MFNG: variants seen among roughly 807,000 people sequenced by gnomAD.
MFNG encodes the protein beta-1,3-N-acetylglucosaminyltransferase manic fringe.
In MFNG, 24 loss-of-function variants were observed where a neutral mutation model predicts 34.2. That is an observed-to-expected ratio of 0.70 (90% CI 0.51 to 0.99). The LOEUF (loss-of-function observed/expected upper bound fraction) is 0.99, where lower values mean the gene tolerates loss of function less well. MFNG is among the 50% of genes least tolerant of loss of function. MFNG has a pLI of 0.00. For synonymous variants in MFNG, 158 were observed against 179.2 expected, an observed-to-expected ratio of 0.88 and a Z score of 0.94; for missense variants, 383 against 424.0, an observed-to-expected ratio of 0.90 and a Z score of 0.85.
intron 4 of MFNG, among the ~76,000 whole-genome samples, chr22:37,478,053 G>A (rs1430205896): frequency 1.3e-5 from 2 of 152,334 alleles, no homozygotes; most frequent in East Asian, 1.9e-4. Context: ...GTGAAGTGGT[G>A]TGAGAGCCTG....
rs8192545 is a variant in MFNG at position 37,486,090 on chromosome 22, G to C, written c.88C>G (p.Leu30Val). The change falls in exon 1 of 8, where the codon CTG (leucine) becomes GTG (valine). Residue 30 changes from leucine to valine, a missense_variant. Coordinates refer to ENST00000356998, the MANE Select transcript of MFNG (RefSeq NM_002405.4). ...GLLCLRYHLN[L>V]SPQRVQGTPE... ...GTCCCTTGTACCCGCTGCGGGGACA[G>C]GTTCAAGTGGTACCGCAGACACAGG... 398 of 1,613,296 alleles carry C rather than the reference G, an allele frequency of 2.5e-4. 2 individuals are homozygous for C. The highest frequency in any genetic ancestry group is 1.6e-4 in the Middle Eastern group (1 of 6,080).
At chr22:37,484,084 G>T (rs1478591163) in intron 1 of MFNG, among the ~76,000 whole-genome samples, 1 of 152,194 alleles carries the variant, frequency 6.6e-6, no homozygotes, top group East Asian at 1.9e-4. Context: ...CAGAGGAGGG[G>T]AGTGGTGGGG....
At chr22:37,478,560 C>T (rs1922140911) in intron 4 of MFNG, among the ~76,000 whole-genome samples, 1 of 152,148 alleles carries the variant, frequency 6.6e-6, no homozygotes, top group Non-Finnish European at 1.5e-5. Context: ...GTCGACTCTT[C>T]AGTCACAGGC....
intron 5 of MFNG, among the ~76,000 whole-genome samples, chr22:37,475,783 C>T (rs1922010212): frequency 6.6e-6 from 1 of 152,178 alleles, no homozygotes; most frequent in African/African-American, 2.4e-5. Flanking sequence ...TTCTAATTCA[C>T]ACAAAGGTAA....
In MFNG at chr22:37,486,056, A is replaced by G; in HGVS notation, c.122T>C (p.Leu41Pro). The G allele has an allele frequency of 6.2e-7, 1 of 1,613,838 alleles. No individual in the cohort carries two copies. Among genetic ancestry groups the G allele is most frequent in the Non-Finnish European group, 8.5e-7 (1 of 1,179,952 alleles). Residue 41 changes from leucine to proline, a missense_variant, in exon 1 of 8, where the codon CTG (leucine) becomes CCG (proline). Coordinates refer to ENST00000356998, the MANE Select transcript of MFNG (RefSeq NM_002405.4). ...SPQRVQGTPE[L>P]SQPNPGPPKL... is the part of the protein sequence containing the mutation. ...AGGGGGCCCCGGGTTCGGCTGGCTC[A>G]GCTCGGGGGTCCCTTGTACCCGCTG...
chr22:37,485,697 G>C lies in MFNG; in HGVS notation c.255+226C>G, dbSNP rs913026206. On this transcript the variant is annotated intron_variant, in intron 1 of 7. Transcript: ENST00000356998. The surrounding 1 kb of genome is among the most constrained non-coding windows in gnomAD (Gnocchi z 5.3). ...GCCTGGCCCCCAAAAGTGGTGGAGC[G>C]GTAGGACCTGGGTGCACCTGGAGTC... 1.3e-5 allele frequency among the ~76,000 whole-genome samples: 2 copies of C among 152,170 alleles called. No individual in the cohort carries two copies. The highest frequency in any genetic ancestry group is 2.9e-5 in the Non-Finnish European group (2 of 68,012).
At position 37,469,813 on chromosome 22, in the gene MFNG, T is replaced by C; in HGVS notation, c.*150A>G. 1 of 738,066 alleles carries C rather than the reference T, an allele frequency of 1.4e-6. No individual in the cohort carries two copies. Among genetic ancestry groups the C allele is most frequent in the South Asian group, 1.5e-5 (1 of 67,248 alleles). The allele number at this position is 738,066 out of a possible 1,614,324, so 45.7% of individuals were successfully genotyped here. On this transcript the variant is annotated 3_prime_UTR_variant, in exon 8 of 8. Transcript: ENST00000356998. ...GGGCCTGGGGTGCCTTCAGTGCCAA[T>C]TGCCACTCAGATCCTGGGCTTGCCA... is the stretch of plus-strand genomic sequence containing the variant.
chr22:37,480,222 C>A lies in MFNG; in HGVS notation c.382G>T (p.Asp128Tyr), dbSNP rs772013269. ...ALSCKMAAEF[D>Y]TFLASGLRWF... is the part of the protein sequence containing the mutation. Reference sequence around the variant, plus strand: ...CTAAGCCCACTGGCCAAGAAGGTGTCGAACTCAGCAGCCATCTTGCAGGAC... The same window carrying A: ...CTAAGCCCACTGGCCAAGAAGGTGTAGAACTCAGCAGCCATCTTGCAGGAC... The change falls in exon 3 of 8, where the codon GAC becomes TAC. Residue 128 changes from aspartate to tyrosine, a missense_variant. Transcript: ENST00000356998. 1 of 1,611,492 alleles carries A rather than the reference C, an allele frequency of 6.2e-7. No individual in the cohort carries two copies. Among genetic ancestry groups the A allele is most frequent in the Non-Finnish European group, 8.5e-7 (1 of 1,177,904 alleles).
chr22:37,477,379 G>A (rs1922089723), intron 4 of MFNG, among the ~76,000 whole-genome samples: 1 of 152,196 alleles, frequency 6.6e-6, no homozygotes, highest in East Asian at 1.9e-4. Context: ...GGTTGACGGG[G>A]CCTGAGTGTG....
intron 5 of MFNG, among the ~76,000 whole-genome samples, chr22:37,475,719 C>T (rs1306686630): frequency 6.6e-6 from 1 of 151,954 alleles, no homozygotes; most frequent in Non-Finnish European, 1.5e-5. Context: ...CACTCCCCTC[C>T]CCAGCCTGCA....
At position 37,483,529 on chromosome 22, in the gene MFNG, T is replaced by C. The variant is rs1475213460; in HGVS notation, c.255+2394A>G. 6.6e-6 allele frequency among the ~76,000 whole-genome samples: 1 copy of C among 151,014 alleles called. No individual in the cohort carries two copies. The highest frequency in any genetic ancestry group is 1.5e-5 in the Non-Finnish European group (1 of 67,874). On this transcript the variant is annotated intron_variant, in intron 1 of 7. Transcript: ENST00000356998. This position sits in a 1 kb window ranked among gnomAD's most constrained non-coding sequence, Gnocchi z 4.5. Reference sequence around the variant, plus strand: ...AGTAAGCCTGAATAAAGCAGGAGAATAGGCACTTTGGGAGGCCAAGGCAGG... The same window carrying C: ...AGTAAGCCTGAATAAAGCAGGAGAACAGGCACTTTGGGAGGCCAAGGCAGG...
rs762690409 is a variant in MFNG at position 37,480,303 on chromosome 22, G to A, written c.305-4C>T. 1 of 1,612,154 alleles carries A rather than the reference G, an allele frequency of 6.2e-7. No individual in the cohort carries two copies. The highest frequency in any genetic ancestry group is 1.3e-5 in the African/African-American group (1 of 74,906). On this transcript the variant is annotated splice_region_variant and splice_polypyrimidine_tract_variant and intron_variant, in intron 2 of 7. Transcript: ENST00000356998. ...TTGGTGACCACAAGGTGGGACCCTG[G>A]AGAAGTGAGGAGGAGTCAGGGGACC...
Position 37,474,674 on chromosome 22 carries a change from G to A in MFNG, c.651C>T (p.Gly217=). The part of the protein sequence containing the change: ...LALKMAPWAS[G]SRFMDTSALI... ...GAGCAGATGTGTCCATGAAACGGGA[G>A]CCACTGAGGGACAGAGCCAGACTGC... Residue 217 remains glycine (G), a synonymous_variant, in exon 6 of 8, where the codon GGC becomes GGT. Transcript: ENST00000356998. 6.3e-7 allele frequency: 1 copy of A among 1,598,144 alleles called. No individual in the cohort carries two copies. Among genetic ancestry groups the A allele is most frequent in the Non-Finnish European group, 8.5e-7 (1 of 1,170,560 alleles).
chr22:37,472,494 A>C lies in MFNG; in HGVS notation c.848T>G (p.Leu283Arg). 6.3e-7 allele frequency: 1 copy of C among 1,583,886 alleles called. No homozygotes were observed. The highest frequency in any genetic ancestry group is 1.4e-5 in the African/African-American group (1 of 72,576). ...TLSYGVFEGK[L>R]NVIKLQGPFS... ...GGGGCCCTGTAGCTTAATGACGTTG[A>C]GTTTCCCCTCAAAGACACCGTAGCT... Residue 283 changes from leucine to arginine, a missense_variant, in exon 7 of 8, where the codon CTC (leucine) becomes CGC (arginine). By Grantham distance (102) the Leu-to-Arg change is moderately radical. Coordinates refer to ENST00000356998, the MANE Select transcript of MFNG (RefSeq NM_002405.4).
In MFNG at chr22:37,474,527, T is replaced by C; in HGVS notation, c.798A>G (p.Ala266=). The change falls in exon 6 of 8, where the codon GCA becomes GCG. Residue 266 remains alanine, a synonymous_variant. Coordinates refer to ENST00000356998, the MANE Select transcript of MFNG (RefSeq NM_002405.4). ...HLETLQLLRT[A]QLPEQVTLSY... ...GCCAGCTCACCTGTTCTGGGAGCTG[T>C]GCAGTCCTCAGCAGCTGCAGGGTCT... 1.2e-6 allele frequency: 2 copies of C among 1,614,010 alleles called. No individual in the cohort carries two copies. The highest frequency in any genetic ancestry group is 1.7e-6 in the Non-Finnish European group (2 of 1,179,914).
chr22:37,485,305 C>T lies in MFNG; in HGVS notation c.255+618G>A, dbSNP rs1001808263. Among the ~76,000 whole-genome samples, 17 of 152,184 alleles carry T rather than the reference C, an allele frequency of 1.1e-4. No individual in the cohort carries two copies. The highest frequency in any genetic ancestry group is 3.9e-4 in the African/African-American group (16 of 41,454). On this transcript the variant is annotated intron_variant, in intron 1 of 7. Coordinates refer to ENST00000356998, the MANE Select transcript of MFNG (RefSeq NM_002405.4). This position sits in a 1 kb window ranked among gnomAD's most constrained non-coding sequence, Gnocchi z 5.3. ...CTCCTTCCCTCCCTCGGAAGCAGTC[C>T]GCAGGAAGCCAACACAGGAGGCCAG... is the stretch of plus-strand genomic sequence containing the variant.
rs1021238506 is a variant in MFNG at position 37,486,035 on chromosome 22, G to C, written c.143C>G (p.Pro48Arg). 6.8e-6 allele frequency: 11 copies of C among 1,613,916 alleles called. No individual in the cohort carries two copies. In the Admixed American group the frequency reaches 1.3e-4, roughly 20 times the overall value. Residue 48 changes from proline (P) to arginine (R), a missense_variant, in exon 1 of 8, where the codon CCC becomes CGC. Transcript: ENST00000356998. ...TPELSQPNPG[P>R]PKLQLHDVFI... Reference sequence around the variant, plus strand: ...GACATCGTGTAGCTGTAGCTTAGGGGGCCCCGGGTTCGGCTGGCTCAGCTC... The same window carrying C: ...GACATCGTGTAGCTGTAGCTTAGGGCGCCCCGGGTTCGGCTGGCTCAGCTC...
In MFNG at chr22:37,470,071, T is replaced by TCAGAAG. The variant is rs1477649789; in HGVS notation, c.900-43_900-42insCTTCTG. The stretch of plus-strand genomic sequence containing the variant: ...AAAGGACAGGATGGTCACCCCCCAC[T>TCAGAAG]TCTGCTCTCAGCCCACTCTCCTAGG... On this transcript the variant is annotated intron_variant, in intron 7 of 7. Coordinates refer to ENST00000356998, the MANE Select transcript of MFNG (RefSeq NM_002405.4). 3 of 1,486,418 alleles carry TCAGAAG rather than the reference T, an allele frequency of 2.0e-6. No homozygotes were observed. The African/African-American group carries it at 4.2e-5, about 21-fold the overall frequency. 92.1% of individuals were successfully genotyped at this position (1,486,418 alleles called of 1,614,324 possible). A position where few individuals can be genotyped will look rare whatever the true frequency, so the allele number is the denominator to read the frequency against.
chr22:37,485,943 C>T lies in MFNG; in HGVS notation c.235G>A (p.Val79Ile). 6.2e-7 allele frequency: 1 copy of T among 1,613,510 alleles called. No individual in the cohort carries two copies. Among genetic ancestry groups the T allele is most frequent in the Non-Finnish European group, 8.5e-7 (1 of 1,179,662 alleles). Residue 79 changes from valine to isoleucine, a missense_variant, in exon 1 of 8, where the codon GTT (valine) becomes ATT (isoleucine). By Grantham distance (29) the Val-to-Ile change is conservative (BLOSUM62 3). Coordinates refer to ENST00000356998, the MANE Select transcript of MFNG (RefSeq NM_002405.4). The surrounding 1 kb of genome is among the most constrained non-coding windows in gnomAD (Gnocchi z 5.3). ...LRLELLLDTWVSRTREQTFVF... is the reference protein window; with the variant it reads ...LRLELLLDTWISRTREQTFVF... ...GTCACCTGTTCCCTGGTCCTGGAAA[C>T]CCACGTGTCAAGCAGCAGCTCCAGG...
Sources: allele counts gnomAD v4.1 joint callset (sites outside exome capture counted in the v4.1 genomes callset), GRCh38; gene constraint gnomAD v4.1.1; non-coding constraint Gnocchi (gnomAD v3.1); transcripts MANE v1.5; gene names NCBI Gene and HGNC (gene_info 2026-07-23, HGNC 2026-07-21).